CEP128: variants seen among roughly 807,000 people sequenced by gnomAD.
CEP128 encodes centrosomal protein 128, also known as centrosomal protein 128kDa.
In CEP128, 132 loss-of-function variants were observed where a neutral mutation model predicts 156.7. That is an observed-to-expected ratio of 0.84 (90% CI 0.73 to 0.97). The LOEUF (loss-of-function observed/expected upper bound fraction) is 0.97, where lower values mean the gene tolerates loss of function less well. Ranked by LOEUF, CEP128 falls within the 50% of genes least tolerant of loss-of-function variation. The probability of loss-of-function intolerance (pLI) is 0.00; values close to 1 mark genes in which losing one functional copy is unlikely to be tolerated. For synonymous variants in CEP128, 469 were observed against 448.9 expected, an observed-to-expected ratio of 1.04 and a Z score of -0.57; for missense variants, 1,252 against 1,281.9, an observed-to-expected ratio of 0.98 and a Z score of 0.36.
intron 19 of CEP128, among the ~76,000 whole-genome samples, chr14:80,663,085 T>A (rs1475069897): frequency 6.6e-6 from 1 of 152,188 alleles, no homozygotes; most frequent in Admixed American, 6.5e-5. Context: ...ACAACCCCAA[T>A]GTGTAATTAG....
At chr14:80,662,559 C>T (rs73332668) in intron 19 of CEP128, among the ~76,000 whole-genome samples, 5,824 of 152,020 alleles carry the variant, frequency 0.038, 231 homozygotes, top group East Asian at 0.22. Flanking sequence ...TGACAGTGTG[C>T]AGTTAAATAG....
chr14:80,487,882 T>C (rs4624099), downstream of CEP128, among the ~76,000 whole-genome samples: 118,928 of 151,534 alleles, frequency 0.78, 49,038 homozygotes, highest in Non-Finnish European at 0.9. Flanking sequence ...AAGCAGTGTG[T>C]AGAGGGAAAT....
chr14:80,676,454 A>T (rs890915974), intron 19 of CEP128, among the ~76,000 whole-genome samples: 1 of 149,174 alleles, frequency 6.7e-6, no homozygotes, highest in African/African-American at 2.4e-5. Context: ...ATTTTTTTTA[A>T]AAAAAAAATA....
chr14:80,479,649 C>A (rs758848649), intron 14 of CEP128, among the ~76,000 whole-genome samples: 4 of 152,116 alleles, frequency 2.6e-5, no homozygotes, highest in Non-Finnish European at 5.9e-5. Flanking sequence ...GGGGACACAG[C>A]CAAACCGTAT....
intron 19 of CEP128, among the ~76,000 whole-genome samples, chr14:80,621,407 G>A (rs576771277): frequency 6.6e-6 from 1 of 152,152 alleles, no homozygotes; most frequent in South Asian, 2.1e-4. Flanking sequence ...GATTGTGTAA[G>A]AACTTAAGAC....
rs186992251 is a variant in CEP128, at chr14:80,854,476, T to C, written c.762+8281A>G. ...AAGGTGTATATATAGTCTATATACA[T>C]CAGTCCAGGTAATTAAAAGCAAACA... On this transcript the variant is annotated intron_variant, in intron 9 of 24. Transcript: ENST00000555265. Among the ~76,000 whole-genome samples the C allele has an allele frequency of 9.7e-4, 148 of 152,210 alleles. 1 individual carries two copies. Among genetic ancestry groups the C allele is most frequent in the African/African-American group, 3.3e-3 (139 of 41,534 alleles).
intron 19 of CEP128, 64 bp downstream of exon 19, chr14:80,743,011 C>T: frequency 1.4e-6 from 2 of 1,455,920 alleles, no homozygotes; most frequent in Non-Finnish European, 1.9e-6. Flanking sequence ...GGTTTTTTTC[C>T]AATCCTAGGA....
At chr14:80,782,933 T>A (rs540834483) in intron 15 of CEP128, among the ~76,000 whole-genome samples, 1 of 152,204 alleles carries the variant, frequency 6.6e-6, no homozygotes, top group African/African-American at 2.4e-5. Flanking sequence ...GTAAATTCTT[T>A]CCTTAAAACA....
At chr14:80,776,547 ATAT>A (rs980693368) in intron 16 of CEP128, among the ~76,000 whole-genome samples, 8 of 147,902 alleles carry the variant, frequency 5.4e-5, no homozygotes, top group East Asian at 1.9e-4. Flanking sequence ...TTAATTATAT[ATAT>A]TATTATATAT....
chr14:80,779,935 C>T (rs1335081290), intron 15 of CEP128, among the ~76,000 whole-genome samples: 1 of 152,092 alleles, frequency 6.6e-6, no homozygotes, highest in Non-Finnish European at 1.5e-5. Flanking sequence ...ATCAAATGGT[C>T]AGCAAATGGC....
intron 19 of CEP128, among the ~76,000 whole-genome samples, chr14:80,689,705 G>C (rs748136358): frequency 6.6e-6 from 1 of 152,110 alleles, no homozygotes; most frequent in African/African-American, 2.4e-5. Flanking sequence ...TATATACATA[G>C]ACGCACATGT....
rs2139605121 is a variant in CEP128, at chr14:80,744,601, A to T, written c.2614-1334T>A. On this transcript the variant is annotated intron_variant, in intron 18 of 24. Coordinates refer to ENST00000555265, the MANE Select transcript of CEP128 (RefSeq NM_152446.5). ...TCATTAAAGTGGCACTTGAGGCATA[A>T]CTGACTCCCTCCTTCTACCCTCAGT... Among the ~76,000 whole-genome samples, 3 of 152,312 alleles carry T rather than the reference A, an allele frequency of 2.0e-5. No homozygotes were observed. In the Middle Eastern group the frequency reaches 0.01, roughly 518 times the overall value.
At chr14:80,603,934 G>A (rs1446357922) in intron 19 of CEP128, among the ~76,000 whole-genome samples, 1 of 152,136 alleles carries the variant, frequency 6.6e-6, no homozygotes, top group Non-Finnish European at 1.5e-5. Flanking sequence ...GCTAATTTGA[G>A]TATTTAGGAA....
At chr14:80,894,614 C>T (rs2288347) in intron 8 of CEP128, 229,974 of 474,310 alleles carry the variant, frequency 0.48, 57,344 homozygotes, top group African/African-American at 0.56. Flanking sequence ...ATTGGAAAGA[C>T]GTTGTCTACT....
chr14:80,689,667 ACT>A (rs1896651002), intron 19 of CEP128, among the ~76,000 whole-genome samples: 1 of 152,090 alleles, frequency 6.6e-6, no homozygotes, highest in Non-Finnish European at 1.5e-5. Context: ...ATACTGTTGT[ACT>A]CTGTGTGTGT....
intron 19 of CEP128, among the ~76,000 whole-genome samples, chr14:80,690,829 T>A (rs935013812): frequency 2.0e-5 from 3 of 152,176 alleles, no homozygotes; most frequent in Non-Finnish European, 4.4e-5. Context: ...CTAAATATGA[T>A]GATTTAATAG....
At chr14:80,526,369 C>T (rs535660836) in intron 23 of CEP128, among the ~76,000 whole-genome samples, 17 of 152,148 alleles carry the variant, frequency 1.1e-4, no homozygotes, top group African/African-American at 3.4e-4. Context: ...TTTGTTAATA[C>T]GGTTAAGTCT....
Position 80,801,059 on chromosome 14 carries a change from GACAAGTA to G in CEP128, c.1210-7956_1210-7950del, listed in dbSNP as rs137916109. On this transcript the variant is annotated intron_variant, in intron 13 of 24. Transcript: ENST00000555265. ...GATTTCACCACTGGTGGCTGATTATGACAAGTAATAGCTTGAGAGGGCTAAAGAGAGA... is the reference window on the plus strand; with the variant it reads ...GATTTCACCACTGGTGGCTGATTATGATAGCTTGAGAGGGCTAAAGAGAGA... Among the ~76,000 whole-genome samples the G allele has an allele frequency of 4.1e-3, 631 of 152,320 alleles. 9 individuals are homozygous for G. Among genetic ancestry groups the G allele is most frequent in the African/African-American group, 0.015 (603 of 41,580 alleles).
intron 21 of CEP128, among the ~76,000 whole-genome samples, chr14:80,554,213 C>T (rs1185310512): frequency 6.6e-6 from 1 of 152,136 alleles, no homozygotes; most frequent in Non-Finnish European, 1.5e-5. Flanking sequence ...AACTGAACTG[C>T]TGGAACAAAC....
Sources: gnomAD v4.1 joint callset for allele counts (sites outside exome capture counted in the v4.1 genomes callset) on GRCh38, gnomAD v4.1.1 for gene constraint, MANE v1.5 for transcripts, NCBI Gene and HGNC (gene_info 2026-07-23, HGNC 2026-07-21) for gene names.